Variants in FAT3 observed in about 807,000 individuals in gnomAD.
FAT3 encodes protocadherin Fat 3.
FAT3 carries 95 observed loss-of-function variants against 310.2 expected under a neutral mutation model. The ratio of observed to expected loss-of-function variants is 0.31; its 90% confidence interval spans 0.26 to 0.36. FAT3 has a LOEUF of 0.36. Among genes scored for constraint, FAT3 ranks in the 10% least tolerant of loss-of-function variants. The pLI, the probability that FAT3 is intolerant of heterozygous loss-of-function variation, is 1.00. For synonymous variants in FAT3, 2,314 were observed against 2,192.9 expected, an observed-to-expected ratio of 1.06 and a Z score of -1.54; for missense variants, 5,408 against 5,715.6, an observed-to-expected ratio of 0.95 and a Z score of 1.74.
intron 4 of FAT3, among the ~76,000 whole-genome samples, chr11:92,731,537 A>G (rs1945177008): frequency 6.6e-6 from 1 of 152,154 alleles, no homozygotes; most frequent in Admixed American, 6.5e-5. Context: ...CACTTAAACA[A>G]GGAGTGGCAG....
intron 2 of FAT3, among the ~76,000 whole-genome samples, chr11:92,437,648 T>G (rs942477094): frequency 1.3e-5 from 2 of 152,084 alleles, no homozygotes. Context: ...CAGGTGTCAG[T>G]GATGGGTTAG....
chr11:92,669,459 G>A (rs1458199565), intron 3 of FAT3, among the ~76,000 whole-genome samples: 1 of 152,174 alleles, frequency 6.6e-6, no homozygotes, highest in Non-Finnish European at 1.5e-5. Context: ...TGTGTGCATT[G>A]CGTTTATGCC....
chr11:92,882,548 C>A (rs559694126), intron 23 of FAT3, among the ~76,000 whole-genome samples, 190 bp from the exon 24 acceptor site: 1 of 144,980 alleles, frequency 6.9e-6, no homozygotes, highest in African/African-American at 2.6e-5. Context: ...GACTTGGGGA[C>A]CACAGTGGCC....
rs372335844 is a variant in FAT3, at chr11:92,353,487, A to G, written c.1375A>G (p.Thr459Ala). 8.1e-6 allele frequency: 13 copies of G among 1,613,482 alleles called. No individual in the cohort carries two copies. The highest frequency in any genetic ancestry group is 9.3e-6 in the Non-Finnish European group (11 of 1,179,716). ...NKEGDLKAQVTISIEDANDHT... is the reference protein window; with the variant it reads ...NKEGDLKAQVAISIEDANDHT... ...GGAAGGAGATTTAAAAGCACAGGTC[A>G]CCATCAGCATAGAAGATGCAAATGA... The change falls in exon 2 of 28, where the codon ACC becomes GCC. Residue 459 changes from threonine to alanine, a missense_variant. By Grantham distance (58) the Thr-to-Ala change is moderately conservative. This residue lies in a region of FAT3 where 4,588 missense variants were observed against 4,809.8 expected (regional missense o/e 0.95). Coordinates refer to ENST00000525166, the MANE Select transcript of FAT3 (RefSeq NM_001367949.2).
At chr11:92,491,035 C>A (rs1252687702) in intron 2 of FAT3, among the ~76,000 whole-genome samples, 1 of 151,944 alleles carries the variant, frequency 6.6e-6, no homozygotes, top group Non-Finnish European at 1.5e-5. Flanking sequence ...AGTTAGGGGC[C>A]TTGAGTTTGC....
chr11:92,813,262 G>A (rs983601205), intron 13 of FAT3, among the ~76,000 whole-genome samples: 5 of 152,128 alleles, frequency 3.3e-5, no homozygotes, highest in African/African-American at 1.2e-4. Context: ...ACAAGGAAAG[G>A]TCTTATTTTT....
intron 4 of FAT3, among the ~76,000 whole-genome samples, chr11:92,704,354 A>G (rs891704060): frequency 3.3e-5 from 5 of 152,170 alleles, no homozygotes; most frequent in Non-Finnish European, 7.4e-5. Context: ...TGCTGTGTCC[A>G]CATGGTGGGT....
intron 3 of FAT3, among the ~76,000 whole-genome samples, chr11:92,605,900 A>G (rs1940268004): frequency 6.6e-6 from 1 of 152,124 alleles, no homozygotes; most frequent in African/African-American, 2.4e-5. Flanking sequence ...GATTGCTTGC[A>G]AGCATCTGAT....
intron 1 of FAT3, among the ~76,000 whole-genome samples, chr11:92,285,362 A>G (rs1946534371): frequency 6.6e-6 from 1 of 152,182 alleles, no homozygotes; most frequent in African/African-American, 2.4e-5. Context: ...ATTATTATTA[A>G]TATTGTTATT....
chr11:92,648,077 C>T (rs1397974041), intron 3 of FAT3, among the ~76,000 whole-genome samples: 1 of 152,136 alleles, frequency 6.6e-6, no homozygotes, highest in Non-Finnish European at 1.5e-5. Flanking sequence ...GGAATGAAGA[C>T]ATTGGAGGCA....
rs12270556 is a variant in FAT3 at position 92,314,952 on chromosome 11, G to A, written c.-17-37144G>A. On this transcript the variant is annotated intron_variant, in intron 1 of 27. Coordinates refer to ENST00000525166, the MANE Select transcript of FAT3 (RefSeq NM_001367949.2). ...TGGCTGCTTGGGTGTGTAGCATGGT[G>A]CCTTGGGTATGTGGCATGGTACCTG... Among the ~76,000 whole-genome samples, 633 of 152,178 alleles carry A rather than the reference G, an allele frequency of 4.2e-3. 3 individuals are homozygous for A. Among genetic ancestry groups the A allele is most frequent in the African/African-American group, 0.014 (594 of 41,516 alleles).
intron 1 of FAT3, among the ~76,000 whole-genome samples, chr11:92,264,672 T>C (rs1945882574): frequency 6.6e-6 from 1 of 152,164 alleles, no homozygotes; most frequent in Non-Finnish European, 1.5e-5. Flanking sequence ...TTATGTTTTC[T>C]GACTTCGTGA....
rs1939814473 is a variant in FAT3 at position 92,598,215 on chromosome 11, C to CATACAT, written c.3607+73270_3607+73271insCATATA. Among the ~76,000 whole-genome samples, 3 of 136,440 alleles carry CATACAT rather than the reference C, an allele frequency of 2.2e-5. No homozygotes were observed. The South Asian group carries it at 6.7e-4, about 30-fold the overall frequency. The allele number at this position is 136,440 out of a possible 152,430, so 89.5% of individuals were successfully genotyped here. On this transcript the variant is annotated intron_variant, in intron 3 of 27. Transcript: ENST00000525166. ...TCATGTATATAAATATATATGTATA[C>CATACAT]ATATATATATATATATTTTTTTTTT... is the stretch of plus-strand genomic sequence containing the variant.
chr11:92,821,969 C>G (rs940111319), intron 13 of FAT3, among the ~76,000 whole-genome samples: 5 of 152,154 alleles, frequency 3.3e-5, no homozygotes, highest in African/African-American at 1.2e-4. Flanking sequence ...AGCAAGGGCT[C>G]CATCTCCAGA....
intron 3 of FAT3, among the ~76,000 whole-genome samples, chr11:92,643,264 C>G (rs1160132961): frequency 6.6e-6 from 1 of 152,196 alleles, no homozygotes; most frequent in Non-Finnish European, 1.5e-5. Context: ...CCTGCACCGT[C>G]AGAAGCAAAG....
intron 1 of FAT3, among the ~76,000 whole-genome samples, chr11:92,309,384 GCACACACACACA>G (rs59596533): frequency 0.016 from 2,314 of 145,058 alleles, 77 homozygotes; most frequent in African/African-American, 0.054. Context: ...ACACACGCAT[GCACACACACACA>G]CACACACACA....
At chr11:92,615,782 T>C (rs1054759548) in intron 3 of FAT3, among the ~76,000 whole-genome samples, 9 of 152,100 alleles carry the variant, frequency 5.9e-5, no homozygotes, top group Admixed American at 1.3e-4. Context: ...TGTAGTTGAG[T>C]GGTTTTGAGT....
chr11:92,814,804 C>T (rs907693932), intron 13 of FAT3, among the ~76,000 whole-genome samples: 1 of 152,178 alleles, frequency 6.6e-6, no homozygotes, highest in Non-Finnish European at 1.5e-5. Flanking sequence ...TGCAGCAAAC[C>T]ACCATGGCAC....
intron 2 of FAT3, among the ~76,000 whole-genome samples, chr11:92,477,619 T>G (rs200064255): frequency 1.3e-5 from 2 of 152,338 alleles, no homozygotes; most frequent in Non-Finnish European, 2.9e-5. Context: ...CTTATTTATT[T>G]TACTGTCTGT....
Sources: allele counts gnomAD v4.1 joint callset (sites outside exome capture counted in the v4.1 genomes callset), GRCh38; gene constraint gnomAD v4.1.1; regional missense constraint gnomAD v4.1.1; transcripts MANE v1.5; gene names NCBI Gene and HGNC (gene_info 2026-07-23, HGNC 2026-07-21).